Variants in CDC42BPA observed in about 807,000 individuals in gnomAD.
CDC42BPA encodes the protein CDC42 binding protein kinase alpha.
A neutral mutation model predicts 223.5 loss-of-function variants in CDC42BPA; 80 were observed. The observed-to-expected ratio is 0.36, with a 90% CI of 0.30 to 0.43. The LOEUF is 0.43. CDC42BPA is among the 20% of genes least tolerant of loss of function. The pLI, the probability that CDC42BPA is intolerant of heterozygous loss-of-function variation, is 1.00. For missense variants in CDC42BPA, 1,743 were observed against 2,099.9 expected, an observed-to-expected ratio of 0.83 and a Z score of 3.32; for synonymous variants, 694 against 718.6, an observed-to-expected ratio of 0.97 and a Z score of 0.55.
intron 3 of CDC42BPA, among the ~76,000 whole-genome samples, chr1:227,208,051 T>C (rs369953977): frequency 0.061 from 4,775 of 78,918 alleles, 170 homozygotes; most frequent in South Asian, 0.11. Flanking sequence ...TTTTAATGAT[T>C]GCCATTCTAA....
chr1:227,110,097 C>A (rs890363786), intron 14 of CDC42BPA, among the ~76,000 whole-genome samples: 1 of 152,082 alleles, frequency 6.6e-6, no homozygotes, highest in East Asian at 1.9e-4. Flanking sequence ...GACTCTGTAT[C>A]TGTTAGGTCT....
At chr1:227,316,208 T>C (rs1333202297) in intron 1 of CDC42BPA, among the ~76,000 whole-genome samples, 1 of 152,180 alleles carries the variant, frequency 6.6e-6, no homozygotes. Flanking sequence ...ATGTGCCCTG[T>C]ATGTAACAGC....
intron 21 of CDC42BPA, chr1:227,059,365 T>C: frequency 6.4e-7 from 1 of 1,560,890 alleles, no homozygotes; most frequent in Non-Finnish European, 8.7e-7. Context: ...AGTGCAAAAG[T>C]CTCTTACACG....
rs1660740928 is a variant in CDC42BPA, at chr1:226,991,540, C to T, written c.*2728G>A. 6.6e-6 allele frequency: 1 copy of T among 152,204 alleles called. No individual in the cohort carries two copies. Among genetic ancestry groups the T allele is most frequent in the African/African-American group, 2.4e-5 (1 of 41,448 alleles). The allele number at this position is 152,204 out of a possible 1,614,324, so 9.4% of individuals were successfully genotyped here. A position where few individuals can be genotyped will look rare whatever the true frequency, so the allele number is the denominator to read the frequency against. Reference sequence around the variant, plus strand: ...GCAGTGTTTCTCTCCTAAAGCCCTGCTTTTAGAATCTGCACGCATTCGGGA... The same window carrying T: ...GCAGTGTTTCTCTCCTAAAGCCCTGTTTTTAGAATCTGCACGCATTCGGGA... On this transcript the variant is annotated 3_prime_UTR_variant, in exon 37 of 37. Coordinates refer to ENST00000366766, the MANE Select transcript of CDC42BPA (RefSeq NM_001394014.1).
chr1:227,028,273 A>G (rs1668641023), intron 30 of CDC42BPA, among the ~76,000 whole-genome samples: 1 of 152,244 alleles, frequency 6.6e-6, no homozygotes, highest in African/African-American at 2.4e-5. Flanking sequence ...TACATACCTG[A>G]TTAAATAACT....
chr1:227,189,530 G>C (rs1283285561), intron 5 of CDC42BPA, among the ~76,000 whole-genome samples: 3 of 152,096 alleles, frequency 2.0e-5, no homozygotes, highest in African/African-American at 7.2e-5. Flanking sequence ...GGCAAAACAA[G>C]CAGAGTAAAC....
At chr1:227,007,505 T>C (rs1239434653) in intron 34 of CDC42BPA, among the ~76,000 whole-genome samples, 2 of 152,220 alleles carry the variant, frequency 1.3e-5, no homozygotes, top group Non-Finnish European at 2.9e-5. Context: ...ATTTGATGTG[T>C]TTCCTATCTT....
intron 17 of CDC42BPA, among the ~76,000 whole-genome samples, chr1:227,075,620 G>C (rs1430951078): frequency 2.0e-5 from 3 of 152,130 alleles, no homozygotes; most frequent in African/African-American, 4.8e-5. Flanking sequence ...GTGTAGCAAG[G>C]GTTGTGTCCT....
chr1:227,101,135 T>C lies in CDC42BPA; in HGVS notation c.2106A>G (p.Glu702=), dbSNP rs1033830691. 2 of 1,578,124 alleles carry C rather than the reference T, an allele frequency of 1.3e-6. No individual in the cohort carries two copies. The highest frequency in any genetic ancestry group is 2.7e-5 in the African/African-American group (2 of 74,156). The change falls in exon 15 of 37, where the codon GAA becomes GAG. Residue 702 remains glutamate, a synonymous_variant. Transcript: ENST00000366766. ...DLEKKSIFYE[E]ELSKREGIHA... The stretch of plus-strand genomic sequence containing the variant: ...GTATTCCTTCTCTTTTAGATAATTC[T>C]TCTTCATAAAAGATACTTTTCTTTT...
At chr1:227,164,720 A>C (rs1385137359) in intron 5 of CDC42BPA, among the ~76,000 whole-genome samples, 3 of 152,366 alleles carry the variant, frequency 2.0e-5, no homozygotes, top group Admixed American at 1.3e-4. Context: ...ACAAACGCAC[A>C]CACACACACC....
At chr1:227,083,657 T>G (rs1228793342) in intron 16 of CDC42BPA, among the ~76,000 whole-genome samples, 1 of 152,202 alleles carries the variant, frequency 6.6e-6, no homozygotes, top group Non-Finnish European at 1.5e-5. Flanking sequence ...TATACAAACT[T>G]TAGATAATTT....
At chr1:227,054,180 G>A (rs538656216) in intron 21 of CDC42BPA, among the ~76,000 whole-genome samples, 6 of 152,200 alleles carry the variant, frequency 3.9e-5, no homozygotes, top group Admixed American at 6.5e-5. Context: ...CACAAAATGC[G>A]AAGTTCCTGT....
At chr1:227,121,311 G>A (rs1688635379) in intron 11 of CDC42BPA, among the ~76,000 whole-genome samples, 2 of 152,194 alleles carry the variant, frequency 1.3e-5, no homozygotes, top group Admixed American at 6.5e-5. Flanking sequence ...TGTTGAGACT[G>A]ATGCTTTCAA....
chr1:227,245,178 C>G (rs1398052495), intron 2 of CDC42BPA, among the ~76,000 whole-genome samples: 1 of 152,042 alleles, frequency 6.6e-6, no homozygotes, highest in African/African-American at 2.4e-5. Context: ...GAGGCATCAG[C>G]TGTCCATCCC....
intron 11 of CDC42BPA, 56 bp from the exon 12 acceptor site, chr1:227,119,993 C>T: frequency 1.4e-6 from 2 of 1,444,662 alleles, no homozygotes; most frequent in African/African-American, 1.4e-5. Context: ...AATGATTGAA[C>T]CTAAGGTAAA....
chr1:227,253,247 C>CGA (rs1682369826), intron 2 of CDC42BPA, among the ~76,000 whole-genome samples: 2 of 138,326 alleles, frequency 1.4e-5, no homozygotes, highest in South Asian at 2.2e-4. Flanking sequence ...AGAAAGAGAG[C>CGA]GAGAGAGAGA....
At chr1:227,276,478 G>A (rs117681255) in intron 1 of CDC42BPA, among the ~76,000 whole-genome samples, 23,869 of 150,864 alleles carry the variant, frequency 0.16, 2,163 homozygotes, top group East Asian at 0.37. Flanking sequence ...TCGGCCAGCC[G>A]CCCCGTTCGG....
intron 2 of CDC42BPA, chr1:227,235,075 G>C (rs984131926): frequency 2.0e-5 from 3 of 151,960 alleles, no homozygotes; most frequent in Non-Finnish European, 4.4e-5. Context: ...ATATTTACAA[G>C]AATGGTCCAG....
chr1:227,083,993 G>C (rs983016510), intron 16 of CDC42BPA, among the ~76,000 whole-genome samples: 1 of 152,136 alleles, frequency 6.6e-6, no homozygotes, highest in Non-Finnish European at 1.5e-5. Flanking sequence ...TGCCTAAAGA[G>C]GAAAAGTGGC....
Sources: gnomAD v4.1 joint callset for allele counts (sites outside exome capture counted in the v4.1 genomes callset) on GRCh38, gnomAD v4.1.1 for gene constraint, MANE v1.5 for transcripts, NCBI Gene and HGNC (gene_info 2026-07-23, HGNC 2026-07-21) for gene names.